Variants in ACSBG2 observed in about 807,000 individuals in gnomAD.
The protein encoded by ACSBG2 is long-chain-fatty-acid--CoA ligase ACSBG2.
Under a neutral mutation model 74.7 loss-of-function variants are expected in ACSBG2, and 62 were observed. That is an observed-to-expected ratio of 0.83 (90% CI 0.68 to 1.03). The LOEUF is 1.03. ACSBG2 is among the 50% of genes least tolerant of loss of function. The pLI is 0.00. For synonymous variants in ACSBG2, 309 were observed against 294.1 expected (o/e 1.05, Z -0.52); for missense variants, 730 against 817.6 (o/e 0.89, Z 1.31).
At position 6,183,262 on chromosome 19, in the gene ACSBG2, A is replaced by C; in HGVS notation, c.1312A>C (p.Arg438=). ...CACGATATCCAACCAGAATAACTAC[A>C]GGCTTCTAAGGTACCAGCCCCCGGG... ...PHTISNQNNY[R]LLSCGKILTG... Residue 438 remains arginine, a synonymous_variant, in exon 10 of 15, where the codon AGG becomes CGG. Coordinates refer to ENST00000588485, the MANE Select transcript of ACSBG2 (RefSeq NM_030924.5). The C allele has an allele frequency of 6.2e-7, 1 of 1,613,910 alleles. No individual in the cohort carries two copies. Among genetic ancestry groups the C allele is most frequent in the Non-Finnish European group, 8.5e-7 (1 of 1,179,802 alleles).
At chr19:6,186,686 C>A (rs1247297079) in intron 11 of ACSBG2, among the ~76,000 whole-genome samples, 1 of 152,130 alleles carries the variant, frequency 6.6e-6, no homozygotes, top group Admixed American at 6.5e-5. Flanking sequence ...AAATTCTTTT[C>A]TTGAGTTTTC....
At chr19:6,187,047 C>T (rs570589633) in intron 11 of ACSBG2, among the ~76,000 whole-genome samples, 1 of 149,928 alleles carries the variant, frequency 6.7e-6, no homozygotes, top group South Asian at 2.1e-4. Context: ...TCTTGTTGCC[C>T]AGGTTGGAGT....
intron 1 of ACSBG2, among the ~76,000 whole-genome samples, chr19:6,139,175 C>T (rs2088721987): frequency 6.6e-6 from 1 of 151,744 alleles, no homozygotes; most frequent in African/African-American, 2.4e-5. Context: ...ACAACCTTCA[C>T]CTCCCAGGTT....
At chr19:6,160,908 TG>T in intron 5 of ACSBG2, 1 of 202,484 alleles carries the variant, frequency 4.9e-6, no homozygotes, top group South Asian at 8.6e-5. Flanking sequence ...GAGACCAGCC[TG>T]GCCAATACGG....
intron 14 of ACSBG2, chr19:6,192,071 C>CAAAAAAAAAAAAAAAAAAAAAAAAA (rs397859531): frequency 2.1e-4 from 12 of 57,472 alleles, no homozygotes; most frequent in African/African-American, 6.0e-4. Context: ...AGCACAGCAC[C>CAAAAAAAAAAAAAAAAAAAAAAAAA]AAAAAAAAAA....
At chr19:6,147,157 G>T (rs2089063814) in intron 2 of ACSBG2, among the ~76,000 whole-genome samples, 1 of 152,158 alleles carries the variant, frequency 6.6e-6, no homozygotes, top group African/African-American at 2.4e-5. Context: ...CAGGATAGAT[G>T]TGTGATAAAA....
In ACSBG2 at chr19:6,183,234, C is replaced by A; in HGVS notation, c.1284C>A (p.Pro428=). Residue 428 remains proline (P), a synonymous_variant, in exon 10 of 15, where the codon CCC becomes CCA. Transcript: ENST00000588485. ...ELYGLSESSG[P]HTISNQNNYR... ...ATGGGTTGAGTGAGAGCTCGGGACC[C>A]CACACGATATCCAACCAGAATAACT... The A allele has an allele frequency of 6.2e-7, 1 of 1,614,112 alleles. No individual in the cohort carries two copies. Among genetic ancestry groups the A allele is most frequent in the Non-Finnish European group, 8.5e-7 (1 of 1,180,012 alleles).
intron 5 of ACSBG2, among the ~76,000 whole-genome samples, chr19:6,159,757 G>A (rs747120020): frequency 1.6e-4 from 24 of 152,022 alleles, no homozygotes; most frequent in Non-Finnish European, 3.5e-4. Context: ...CCTCATCTTT[G>A]CCTCCAAGGC....
intron 7 of ACSBG2, among the ~76,000 whole-genome samples, chr19:6,170,749 A>G (rs1168400440): frequency 1.3e-5 from 2 of 152,184 alleles, no homozygotes; most frequent in East Asian, 1.9e-4. Context: ...GAAGATGTCT[A>G]TTAGGTCCAT....
chr19:6,183,453 A>G (rs550125489), intron 10 of ACSBG2, among the ~76,000 whole-genome samples, 181 bp downstream of exon 10: 2 of 152,306 alleles, frequency 1.3e-5, no homozygotes, highest in Non-Finnish European at 2.9e-5. Context: ...GGATGGTAAG[A>G]GAGCCCACAG....
chr19:6,176,866 C>T (rs1311614204), intron 7 of ACSBG2, among the ~76,000 whole-genome samples: 3 of 152,046 alleles, frequency 2.0e-5, no homozygotes, highest in Non-Finnish European at 1.5e-5. Flanking sequence ...CATTTAAAAT[C>T]GCCCTCCAGG....
chr19:6,164,387 G>A (rs1002243120), intron 6 of ACSBG2, among the ~76,000 whole-genome samples: 1 of 151,738 alleles, frequency 6.6e-6, no homozygotes, highest in African/African-American at 2.4e-5. Flanking sequence ...CATCACCCTG[G>A]GCAGGTTTCA....
chr19:6,166,828 G>A (rs1050901673), intron 7 of ACSBG2, among the ~76,000 whole-genome samples: 4 of 150,880 alleles, frequency 2.7e-5, no homozygotes, highest in African/African-American at 9.8e-5. Flanking sequence ...GGGTAGAGAT[G>A]GAGTTTCACC....
At chr19:6,184,614 G>GA (rs773413408) in intron 10 of ACSBG2, among the ~76,000 whole-genome samples, 5,507 of 125,514 alleles carry the variant, frequency 0.044, 115 homozygotes, top group Non-Finnish European at 0.055. Context: ...CTATCTCTAG[G>GA]AAAAAAAAAA....
At chr19:6,170,043 G>A (rs2089922788) in intron 7 of ACSBG2, among the ~76,000 whole-genome samples, 2 of 152,202 alleles carry the variant, frequency 1.3e-5, no homozygotes, top group African/African-American at 4.8e-5. Flanking sequence ...GACTTCCTCT[G>A]TTCCTATTTT....
chr19:6,165,795 G>A, intron 6 of ACSBG2, 71 bp from the exon 7 acceptor site: 2 of 1,569,770 alleles, frequency 1.3e-6, no homozygotes, highest in Non-Finnish European at 1.7e-6. Context: ...AAAGCTGATA[G>A]GACGAGGTCT....
chr19:6,164,527 AT>A (rs2089735738), intron 6 of ACSBG2, among the ~76,000 whole-genome samples: 1 of 142,520 alleles, frequency 7.0e-6, no homozygotes, highest in East Asian at 2.1e-4. Flanking sequence ...CCACCTCCCC[AT>A]TTCAAGCGAT....
intron 5 of ACSBG2, chr19:6,160,473 G>A (rs1422602478): frequency 1.3e-5 from 2 of 152,118 alleles, no homozygotes; most frequent in Admixed American, 6.6e-5. Context: ...TGGGTAGAGG[G>A]CTCTGCACTT....
rs564637392 is a variant in ACSBG2 at position 6,182,739 on chromosome 19, C to T, written c.907-12C>T. 1.9e-6 allele frequency: 3 copies of T among 1,612,094 alleles called. No individual in the cohort carries two copies. Among genetic ancestry groups the T allele is most frequent in the Admixed American group, 1.7e-5 (1 of 59,842 alleles). On this transcript the variant is annotated splice_polypyrimidine_tract_variant and intron_variant, in intron 8 of 14. Transcript: ENST00000588485. ...GGCCCTGCTGTGGCTAACCTAGCTT[C>T]GTTCCATACAGGGCACCTTGGTAAG...
Sources: allele counts gnomAD v4.1 joint callset (sites outside exome capture counted in the v4.1 genomes callset), GRCh38; gene constraint gnomAD v4.1.1; transcripts MANE v1.5; gene names NCBI Gene and HGNC (gene_info 2026-07-23, HGNC 2026-07-21).